The following TENM3 variants were observed in gnomAD, a reference collection of about 807,000 sequenced individuals.
TENM3 encodes the protein teneurin-3.
In TENM3, 63 loss-of-function variants were observed where a neutral mutation model predicts 255.1. The observed-to-expected ratio is 0.25, with a 90% CI of 0.20 to 0.30. TENM3 has a LOEUF of 0.30. TENM3 is among the 10% of genes least tolerant of loss of function. The pLI is 1.00. For missense variants in TENM3, 2,929 were observed against 3,461.1 expected (o/e 0.85, Z 3.86); for synonymous variants, 1,306 against 1,322.3 (o/e 0.99, Z 0.27).
the TENM3 span, among the ~76,000 whole-genome samples, chr4:181,954,695 G>A: frequency 2.9e-4 from 44 of 152,180 alleles, no homozygotes; most frequent in African/African-American, 1.1e-3. Flanking sequence ...TTTCTAAAGG[G>A]TTAATTCTAA....
At chr4:182,324,303 A>G in intron 2 of TENM3, 51 bp downstream of exon 2, 2 of 1,367,062 alleles carry the variant, frequency 1.5e-6, no homozygotes, top group Non-Finnish European at 2.1e-6. Flanking sequence ...ACTAACTTGT[A>G]GGTGTCGTGA....
At chr4:181,799,075 T>C in the TENM3 span, among the ~76,000 whole-genome samples, 1 of 152,194 alleles carries the variant, frequency 6.6e-6, no homozygotes, top group African/African-American at 2.4e-5. Flanking sequence ...AAGGCTCCCT[T>C]TTCCCACTAA....
chr4:181,664,483 AAAC>A, the TENM3 span, among the ~76,000 whole-genome samples: 1 of 126,752 alleles, frequency 7.9e-6, no homozygotes, highest in African/African-American at 3.1e-5. Flanking sequence ...AAATAAAAAA[AAAC>A]AAAACAAAAA....
the TENM3 span, among the ~76,000 whole-genome samples, chr4:181,669,499 T>C: frequency 3.9e-5 from 6 of 152,168 alleles, no homozygotes; most frequent in Non-Finnish European, 8.8e-5. Flanking sequence ...GCATTCTTTG[T>C]ATAGAGCTTT....
At chr4:181,475,042 G>A in the TENM3 span, among the ~76,000 whole-genome samples, 4,161 of 152,164 alleles carry the variant, frequency 0.027, 320 homozygotes, top group East Asian at 0.23. Context: ...TACACCTACC[G>A]GAGATCTATT....
chr4:181,911,016 CTG>C, the TENM3 span, among the ~76,000 whole-genome samples: 1 of 152,138 alleles, frequency 6.6e-6, no homozygotes, highest in Non-Finnish European at 1.5e-5. Context: ...CATCCTAACT[CTG>C]TGATTAGGAT....
At chr4:182,751,744 C>A (rs941914539) in intron 19 of TENM3, 56 bp from the exon 20 acceptor site, 3 of 1,271,534 alleles carry the variant, frequency 2.4e-6, no homozygotes, top group Non-Finnish European at 3.4e-6. Flanking sequence ...CTTTTAATTT[C>A]CCTCTGTGTA....
chr4:181,993,749 C>T, the TENM3 span, among the ~76,000 whole-genome samples: 1 of 152,104 alleles, frequency 6.6e-6, no homozygotes, highest in Non-Finnish European at 1.5e-5. Context: ...TTATTATCCC[C>T]TACCTTATCT....
intron 3 of TENM3, among the ~76,000 whole-genome samples, chr4:182,574,184 A>T (rs76967440): frequency 0.011 from 1,644 of 152,202 alleles, 38 homozygotes; most frequent in East Asian, 0.08. Context: ...TGTTATTTGT[A>T]TTCTTTCATA....
chr4:182,702,949 G>C (rs1758003279), intron 12 of TENM3, among the ~76,000 whole-genome samples: 1 of 151,990 alleles, frequency 6.6e-6, no homozygotes, highest in Admixed American at 6.6e-5. Flanking sequence ...TGTTAGCCAG[G>C]ATGGTCTCGA....
chr4:181,705,044 AAC>A, the TENM3 span, among the ~76,000 whole-genome samples: 30 of 31,970 alleles, frequency 9.4e-4, no homozygotes, highest in Middle Eastern at 8.6e-3. Context: ...TCAAAAACAA[AAC>A]AAAACAAAAA....
the TENM3 span, among the ~76,000 whole-genome samples, chr4:181,935,398 G>C: frequency 5.3e-5 from 8 of 152,178 alleles, no homozygotes; most frequent in Non-Finnish European, 1.2e-4. Context: ...TAGCCTGCTA[G>C]GCTAGTTCTT....
chr4:181,700,280 AC>A, the TENM3 span, among the ~76,000 whole-genome samples: 1 of 151,716 alleles, frequency 6.6e-6, no homozygotes, highest in African/African-American at 2.4e-5. Context: ...TAAGTCAGTG[AC>A]AAAATAATAT....
chr4:181,605,584 G>GAAAGAAAGATAGAAAGAAAGAAA, the TENM3 span, among the ~76,000 whole-genome samples: 6 of 69,142 alleles, frequency 8.7e-5, 2 homozygotes, highest in Admixed American at 1.6e-4. Context: ...GAGAAAGAAA[G>GAAAGAAAGATAGAAAGAAAGAAA]GAAAGAAAGA....
chr4:182,708,785 G>C (rs936395545), intron 12 of TENM3, among the ~76,000 whole-genome samples: 9 of 138,078 alleles, frequency 6.5e-5, no homozygotes, highest in East Asian at 6.1e-4. Flanking sequence ...GCGACAGAGC[G>C]AGACTCCGTC....
At chr4:182,382,585 T>C (rs1040397004) in intron 3 of TENM3, among the ~76,000 whole-genome samples, 2 of 152,162 alleles carry the variant, frequency 1.3e-5, no homozygotes, top group East Asian at 1.9e-4. Context: ...TTTAAACTTA[T>C]CATGGTAGAG....
chr4:182,229,726 C>T (rs1199882110), intron 1 of TENM3, among the ~76,000 whole-genome samples: 7 of 152,100 alleles, frequency 4.6e-5, no homozygotes. Flanking sequence ...ACCCCAACTA[C>T]AGGTCCTCAG....
chr4:182,677,639 G>A (rs941733242), intron 7 of TENM3, among the ~76,000 whole-genome samples: 1 of 152,020 alleles, frequency 6.6e-6, no homozygotes, highest in African/African-American at 2.4e-5. Flanking sequence ...ACACCAGTCA[G>A]TATTTTCATC....
chr4:182,690,212 G>T (rs145348485), intron 12 of TENM3, among the ~76,000 whole-genome samples: 2 of 152,172 alleles, frequency 1.3e-5, no homozygotes, highest in East Asian at 3.8e-4. Flanking sequence ...GGAGCTTCCC[G>T]CCTGAAATCA....
Sources: allele counts gnomAD v4.1 joint callset (sites outside exome capture counted in the v4.1 genomes callset), GRCh38; gene constraint gnomAD v4.1.1; transcripts MANE v1.5; gene names NCBI Gene and HGNC (gene_info 2026-07-23, HGNC 2026-07-21).